Variants in A2M observed in about 807,000 individuals in gnomAD.
A2M encodes the protein alpha-2-macroglobulin, also known as C3 and PZP-like alpha-2-macroglobulin domain-containing protein 5.
A2M carries 128 observed loss-of-function variants against 183.9 expected under a neutral mutation model. That is an observed-to-expected ratio of 0.70 (90% CI 0.60 to 0.81). A2M has a LOEUF of 0.81. A2M is among the 30% of genes least tolerant of loss of function. The pLI, the probability that A2M is intolerant of heterozygous loss-of-function variation, is 0.00. For synonymous variants in A2M, 592 were observed against 670.8 expected, an observed-to-expected ratio of 0.88 and a Z score of 1.81; for missense variants, 1,495 against 1,787.6, an observed-to-expected ratio of 0.84 and a Z score of 2.95.
chr12:9,107,430 T>C, intron 8 of A2M, 94 bp downstream of exon 8: 1 of 1,452,916 alleles, frequency 6.9e-7, no homozygotes, highest in Non-Finnish European at 9.4e-7. Context: ...CTCTTCTAGA[T>C]TGTTCTCTTC....
At chr12:9,074,004 C>T (rs1480324803) in intron 29 of A2M, among the ~76,000 whole-genome samples, 3 of 149,940 alleles carry the variant, frequency 2.0e-5, no homozygotes, top group African/African-American at 7.4e-5. Context: ...ACTAGAATCG[C>T]TTGAACCTGG....
chr12:9,115,892 C>T lies in A2M; in HGVS notation c.-43G>A, dbSNP rs1381662217. 3.4e-6 allele frequency: 5 copies of T among 1,478,690 alleles called. No individual in the cohort carries two copies. In the East Asian group the frequency reaches 1.1e-4, roughly 34 times the overall value. 91.6% of individuals were successfully genotyped at this position (1,478,690 alleles called of 1,614,324 possible). ...CTGGAGGAGAACAGACTGTATTGTA[C>T]CCTACTCCCTACAATCCATCTGGTC... On this transcript the variant is annotated 5_prime_UTR_variant, in exon 1 of 36. Transcript: ENST00000318602.
intron 28 of A2M, 70 bp downstream of exon 28, chr12:9,076,686 G>GAGGGAT (rs964830611): frequency 6.8e-7 from 1 of 1,479,550 alleles, no homozygotes; most frequent in Non-Finnish European, 9.4e-7. Flanking sequence ...AGGTAGGAGT[G>GAGGGAT]AGGGATTTTT....
At position 9,067,745 on chromosome 12, in the gene A2M, T is replaced by C; in HGVS notation, c.*78A>G. The C allele has an allele frequency of 7.4e-7, 1 of 1,355,788 alleles. No individual in the cohort carries two copies. 84.0% of individuals were successfully genotyped at this position (1,355,788 alleles called of 1,614,324 possible). On this transcript the variant is annotated 3_prime_UTR_variant, in exon 36 of 36. Coordinates refer to ENST00000318602, the MANE Select transcript of A2M (RefSeq NM_000014.6). ...AAAAAGTGTTTATTCATCAAGTCTT[T>C]AAAGATACAAAAACACGTGTCTTCT...
Position 9,115,749 on chromosome 12 carries a change from CTG to C in A2M, c.86+13_86+14del, listed in dbSNP as rs749909446. On this transcript the variant is annotated intron_variant, in intron 1 of 35. Transcript: ENST00000318602. ...ACTCTAGGTTCATGCTTCACGCTCTCTGTGTGGAACTCACGGTTTTCCAGAGA... is the reference window on the plus strand; with the variant it reads ...ACTCTAGGTTCATGCTTCACGCTCTCTGTGGAACTCACGGTTTTCCAGAGA... 10 of 1,600,060 alleles carry C rather than the reference CTG, an allele frequency of 6.2e-6. No individual in the cohort carries two copies. The highest frequency in any genetic ancestry group is 5.4e-5 in the African/African-American group (4 of 74,570).
At chr12:9,083,327 C>T (rs1948962710) in intron 22 of A2M, among the ~76,000 whole-genome samples, 1 of 151,188 alleles carries the variant, frequency 6.6e-6, no homozygotes, top group Non-Finnish European at 1.5e-5. Flanking sequence ...CAACATGGCA[C>T]ATGTATACAT....
chr12:9,091,200 C>T lies in A2M; in HGVS notation c.2469+1G>A, dbSNP rs1368171266. ...ATTTAATTTAGGAAAGAGATCCTTA[C>T]CCGGATGCATTTGGGAAGGTAGTTT... On this transcript the variant is annotated splice_donor_variant, in intron 19 of 35. Transcript: ENST00000318602. LOFTEE classifies it high-confidence loss of function. 6.2e-7 allele frequency: 1 copy of T among 1,613,142 alleles called. No individual in the cohort carries two copies. The highest frequency in any genetic ancestry group is 1.7e-5 in the Admixed American group (1 of 60,006).
At chr12:9,094,079 T>C (rs866488922) in intron 17 of A2M, among the ~76,000 whole-genome samples, 44 of 151,950 alleles carry the variant, frequency 2.9e-4, no homozygotes, top group African/African-American at 1.0e-3. Flanking sequence ...GAGAGTGTTA[T>C]GACACAAGGC....
intron 19 of A2M, 109 bp from the exon 20 acceptor site, chr12:9,090,591 T>A: frequency 8.8e-7 from 1 of 1,139,288 alleles, no homozygotes; most frequent in South Asian, 1.5e-5. Flanking sequence ...TGCCTCACAT[T>A]AAAGATGATA....
At chr12:9,077,542 A>G in intron 26 of A2M, 122 bp from the exon 27 acceptor site, 1 of 1,454,566 alleles carries the variant, frequency 6.9e-7, no homozygotes, top group Non-Finnish European at 9.4e-7. Context: ...AGGGCAAAGT[A>G]TCACAATCAA....
At chr12:9,106,435 G>T in intron 9 of A2M, 56 bp downstream of exon 9, 1 of 1,430,774 alleles carries the variant, frequency 7.0e-7, no homozygotes, top group Non-Finnish European at 9.8e-7. Context: ...TTCATTATTT[G>T]GCTAAGAAAA....
In A2M at chr12:9,106,593, C is replaced by T; in HGVS notation, c.892G>A (p.Gly298Ser). ...EKFSGQLNSHGCFYQQVKTKV... is the reference protein window; with the variant it reads ...EKFSGQLNSHSCFYQQVKTKV... ...GTTTTTACTTGCTGATAGAAGCAGCCATGGCTGTTTAGCTAAGAAGGGAGA... is the reference window on the plus strand; with the variant it reads ...GTTTTTACTTGCTGATAGAAGCAGCTATGGCTGTTTAGCTAAGAAGGGAGA... The change falls in exon 9 of 36, where the codon GGC becomes AGC. Residue 298 changes from glycine (G) to serine (S), a missense_variant. Transcript: ENST00000318602. 6.4e-7 allele frequency: 1 copy of T among 1,568,972 alleles called. No homozygotes were observed. The highest frequency in any genetic ancestry group is 8.7e-7 in the Non-Finnish European group (1 of 1,150,404).
intron 9 of A2M, 62 bp from the exon 10 acceptor site, chr12:9,106,407 C>A (rs1320797717): frequency 4.8e-6 from 7 of 1,446,766 alleles, no homozygotes; most frequent in South Asian, 2.4e-5. Flanking sequence ...AATTCTATCA[C>A]CTCCCCCCAA....
intron 15 of A2M, 67 bp downstream of exon 15, chr12:9,098,540 G>A (rs1949453859): frequency 2.6e-6 from 4 of 1,517,686 alleles, no homozygotes; most frequent in Non-Finnish European, 2.7e-6. Context: ...TACTTATCCA[G>A]TCATTTTTCC....
chr12:9,080,303 T>G (rs766945430), intron 22 of A2M, 126 bp from the exon 23 acceptor site: 2 of 526,582 alleles, frequency 3.8e-6, no homozygotes, highest in East Asian at 6.3e-5. Context: ...TTGTCCGCCT[T>G]TAATACAACA....
chr12:9,069,889 A>T (rs1948514823), intron 32 of A2M, 76 bp from the exon 33 acceptor site: 1 of 1,243,778 alleles, frequency 8.0e-7, no homozygotes, highest in African/African-American at 1.5e-5. Context: ...AAATCTTTGT[A>T]TTGCCAAAAT....
In A2M at chr12:9,090,436, A is replaced by G. The variant is rs749684406; in HGVS notation, c.2516T>C (p.Val839Ala). ...EASPAFLAVP[V>A]EKEQAPHCIC... is the part of the protein sequence containing the mutation. ...GCAGTGAGGCGCTTGTTCCTTCTCCACTGGGACAGCTAGGAAGGCGGGAGA... is the reference window on the plus strand; with the variant it reads ...GCAGTGAGGCGCTTGTTCCTTCTCCGCTGGGACAGCTAGGAAGGCGGGAGA... The change falls in exon 20 of 36, where the codon GTG (valine) becomes GCG (alanine). Residue 839 changes from valine (V) to alanine (A), a missense_variant. Coordinates refer to ENST00000318602, the MANE Select transcript of A2M (RefSeq NM_000014.6). 1 of 1,613,996 alleles carries G rather than the reference A, an allele frequency of 6.2e-7. No homozygotes were observed. The highest frequency in any genetic ancestry group is 8.5e-7 in the Non-Finnish European group (1 of 1,179,884).
At chr12:9,074,325 G>A (rs1326823975) in intron 29 of A2M, among the ~76,000 whole-genome samples, 1 of 152,130 alleles carries the variant, frequency 6.6e-6, no homozygotes, top group African/African-American at 2.4e-5. Context: ...GTTGTTATGG[G>A]AAATAGGAGA....
Position 9,101,456 on chromosome 12 carries a change from G to A in A2M, c.1485C>T (p.Phe495=), listed in dbSNP as rs1427553674. Residue 495 remains phenylalanine, a synonymous_variant, in exon 12 of 36, where the codon TTC becomes TTT. Coordinates refer to ENST00000318602, the MANE Select transcript of A2M (RefSeq NM_000014.6). ...TAACCTCCCTTCTCACCAGATAATA[G>A]AAGGAGAGCTTCTTCAGCCCCAGCA... The part of the protein sequence containing the change: ...GTLLGLKKLS[F]YYLIMAKGGI... 6.2e-7 allele frequency: 1 copy of A among 1,613,202 alleles called. No individual in the cohort carries two copies. Among genetic ancestry groups the A allele is most frequent in the East Asian group, 2.2e-5 (1 of 44,872 alleles).
Sources: allele counts gnomAD v4.1 joint callset (sites outside exome capture counted in the v4.1 genomes callset), GRCh38; gene constraint gnomAD v4.1.1; transcripts MANE v1.5; gene names NCBI Gene and HGNC (gene_info 2026-07-23, HGNC 2026-07-21).